KIF9: variants seen among roughly 807,000 people sequenced by gnomAD.
The protein encoded by KIF9 is kinesin-like protein KIF9.
KIF9 carries 68 observed loss-of-function variants against 94.8 expected under a neutral mutation model. That is an observed-to-expected ratio of 0.72 (90% CI 0.59 to 0.88). The LOEUF is 0.88. Among genes scored for constraint, KIF9 ranks in the 40% least tolerant of loss-of-function variants. The pLI, the probability that KIF9 is intolerant of heterozygous loss-of-function variation, is 0.00. For missense variants in KIF9, 882 were observed against 982.5 expected, an observed-to-expected ratio of 0.90 and a Z score of 1.37; for synonymous variants, 343 against 362.1, an observed-to-expected ratio of 0.95 and a Z score of 0.60.
chr3:47,235,454 C>G (rs1330246346), intron 20 of KIF9, 59 bp downstream of exon 20: 70 of 1,166,232 alleles, frequency 6.0e-5, no homozygotes, highest in Non-Finnish European at 8.0e-5. Flanking sequence ...GGAATATGAT[C>G]CTGGGTTTCC....
chr3:47,281,177 G>C (rs1321431776), intron 1 of KIF9: 2 of 626,572 alleles, frequency 3.2e-6, no homozygotes, highest in Non-Finnish European at 5.7e-6. Flanking sequence ...TTCATATGTG[G>C]GTCTATCTTC....
chr3:47,243,006 A>G, intron 16 of KIF9, 45 bp downstream of exon 16: 3 of 1,476,766 alleles, frequency 2.0e-6, no homozygotes, highest in Non-Finnish European at 2.8e-6. Context: ...AGGATCACAT[A>G]TGGTTTTGTT....
chr3:47,233,559 T>C (rs1698775604), intron 20 of KIF9, among the ~76,000 whole-genome samples: 2 of 148,534 alleles, frequency 1.3e-5, no homozygotes, highest in African/African-American at 5.0e-5. Flanking sequence ...TAGCTGGGCA[T>C]GTGGTGTATG....
intron 19 of KIF9, 23 bp from the exon 20 acceptor site, chr3:47,235,640 G>C: frequency 6.4e-7 from 1 of 1,568,776 alleles, no homozygotes; most frequent in Non-Finnish European, 8.8e-7. Flanking sequence ...AGTCCCTTTA[G>C]CATGGTATTG....
At chr3:47,233,611 G>A (rs1004947310) in intron 20 of KIF9, among the ~76,000 whole-genome samples, 10 of 150,846 alleles carry the variant, frequency 6.6e-5, no homozygotes, top group Admixed American at 1.3e-4. Context: ...TGGGAGGATC[G>A]CTTCAATCTG....
At chr3:47,230,375 G>A (rs1055769698) in intron 20 of KIF9, among the ~76,000 whole-genome samples, 1 of 151,672 alleles carries the variant, frequency 6.6e-6, no homozygotes, top group Admixed American at 6.6e-5. Context: ...TCTAGGAACT[G>A]AAGACCAGCC....
At chr3:47,277,191 G>T in intron 2 of KIF9, 91 bp downstream of exon 2, 2 of 899,074 alleles carry the variant, frequency 2.2e-6, no homozygotes, top group Non-Finnish European at 1.8e-6. Flanking sequence ...TTCTGTCTTG[G>T]TCCTTCAAAG....
At chr3:47,241,879 TATATA>T (rs1699574543) in intron 16 of KIF9, among the ~76,000 whole-genome samples, 1 of 99,782 alleles carries the variant, frequency 1.0e-5, no homozygotes, top group African/African-American at 4.1e-5. Flanking sequence ...TATATATATA[TATATA>T]TTTTTTTTTT....
intron 7 of KIF9, 190 bp from the exon 8 acceptor site, chr3:47,266,067 C>G (rs1477791614): frequency 3.4e-5 from 19 of 558,362 alleles, no homozygotes; most frequent in Non-Finnish European, 5.4e-5. Context: ...AATACCAAAA[C>G]TCAGAAATAT....
chr3:47,239,882 G>A (rs140593426), intron 17 of KIF9: 37 of 1,367,924 alleles, frequency 2.7e-5, no homozygotes, highest in Middle Eastern at 2.1e-4. Flanking sequence ...GTGATTTAGC[G>A]AGGGAAAGCC....
At chr3:47,236,343 C>T in intron 18 of KIF9, 100 bp downstream of exon 18, 2 of 1,358,556 alleles carry the variant, frequency 1.5e-6, no homozygotes, top group Non-Finnish European at 2.1e-6. Flanking sequence ...CCTGGCTCTG[C>T]CAGAGAGAAA....
At chr3:47,281,842 G>A (rs1702383397) in intron 1 of KIF9, among the ~76,000 whole-genome samples, 1 of 152,242 alleles carries the variant, frequency 6.6e-6, no homozygotes, top group African/African-American at 2.4e-5. Context: ...GACTAGACAA[G>A]AGGAAAGGGA....
chr3:47,259,037 C>T (rs931829915), intron 9 of KIF9, among the ~76,000 whole-genome samples: 12 of 152,172 alleles, frequency 7.9e-5, no homozygotes, highest in Non-Finnish European at 1.2e-4. Context: ...TGAAGACACC[C>T]CTGAGCCATT....
rs1477889919 is a variant in KIF9 at position 47,260,577 on chromosome 3, A to C, written c.982-3017T>G. Among the ~76,000 whole-genome samples the C allele has an allele frequency of 1.1e-4, 16 of 152,212 alleles. 1 individual carries two copies. In the East Asian group the frequency reaches 3.1e-3, roughly 29 times the overall value. On this transcript the variant is annotated intron_variant, in intron 9 of 20. Coordinates refer to ENST00000684063, the MANE Select transcript of KIF9 (RefSeq NM_182902.4). ...TGTGGCCAGGCTCTGTTCTAAGTGT[A>C]GAAGTGTGGTTGCTCATTTAATCCT...
chr3:47,242,536 G>A (rs1369439833), intron 16 of KIF9, among the ~76,000 whole-genome samples: 1 of 152,214 alleles, frequency 6.6e-6, no homozygotes, highest in Non-Finnish European at 1.5e-5. Context: ...CCCAATGGCA[G>A]AGAACAATTC....
At chr3:47,250,874 GCTGTATTCTAGCC>G (rs1700231498) in intron 10 of KIF9, among the ~76,000 whole-genome samples, 2 of 152,226 alleles carry the variant, frequency 1.3e-5, no homozygotes, top group African/African-American at 4.8e-5. Flanking sequence ...CCAAAGGCCT[GCTGTATTCTAGCC>G]CTCATCCAAC....
intron 16 of KIF9, among the ~76,000 whole-genome samples, chr3:47,241,843 A>AATAT (rs372935276): frequency 1.3e-3 from 160 of 125,966 alleles, no homozygotes; most frequent in Admixed American, 1.5e-3. Flanking sequence ...ACATATATAA[A>AATAT]ATATATATAT....
rs1379197572 is a variant in KIF9, at chr3:47,273,496, T to A, written c.366+56A>T. On this transcript the variant is annotated intron_variant, in intron 4 of 20. Transcript: ENST00000684063. ...AGTAGCTGGCCCAGGGTCAGTAACATCTATGGCAGAGAGAGGGAACCTGTG... is the reference window on the plus strand; with the variant it reads ...AGTAGCTGGCCCAGGGTCAGTAACAACTATGGCAGAGAGAGGGAACCTGTG... 4.3e-6 allele frequency: 6 copies of A among 1,381,930 alleles called. No homozygotes were observed. The Admixed American group carries it at 7.8e-5, about 18-fold the overall frequency. 85.6% of individuals were successfully genotyped at this position (1,381,930 alleles called of 1,614,324 possible).
intron 13 of KIF9, 155 bp downstream of exon 13, chr3:47,246,042 A>C: frequency 1.6e-6 from 1 of 611,116 alleles, no homozygotes; most frequent in Non-Finnish European, 2.9e-6. Flanking sequence ...GAACTCACTG[A>C]ATATCCACCA....
Sources: allele counts gnomAD v4.1 joint callset (sites outside exome capture counted in the v4.1 genomes callset), GRCh38; gene constraint gnomAD v4.1.1; transcripts MANE v1.5; gene names NCBI Gene and HGNC (gene_info 2026-07-23, HGNC 2026-07-21).